Variants in PPP2R2B observed in about 807,000 individuals in gnomAD.
PPP2R2B encodes serine/threonine-protein phosphatase 2A 55 kDa regulatory subunit B beta isoform.
PPP2R2B carries 5 observed loss-of-function variants against 46.0 expected under a neutral mutation model. That is an observed-to-expected ratio of 0.11 (90% CI 0.06 to 0.23). The LOEUF is 0.23. Ranked by LOEUF, PPP2R2B falls within the 10% of genes least tolerant of loss-of-function variation. PPP2R2B has a pLI of 1.00. For synonymous variants in PPP2R2B, 215 were observed against 206.7 expected (o/e 1.04, Z -0.34); for missense variants, 367 against 575.0 (o/e 0.64, Z 3.70).
At chr5:147,001,679 C>T (rs554509356) in intron 1 of PPP2R2B, among the ~76,000 whole-genome samples, 8 of 152,264 alleles carry the variant, frequency 5.3e-5, no homozygotes, top group Admixed American at 2.0e-4. Context: ...TGAGTACCAT[C>T]GGACCCCTTT....
At chr5:147,055,113 A>C (rs571983380) in intron 1 of PPP2R2B, among the ~76,000 whole-genome samples, 1 of 152,332 alleles carries the variant, frequency 6.6e-6, no homozygotes, top group East Asian at 1.9e-4. Flanking sequence ...GGACCCCCAG[A>C]AACCACATTT....
At chr5:146,778,191 GA>G in intron 2 of PPP2R2B, among the ~76,000 whole-genome samples, 1 of 152,126 alleles carries the variant, frequency 6.6e-6, no homozygotes, top group Non-Finnish European at 1.5e-5. Context: ...TGTCTCTACT[GA>G]AAATATTCTT....
chr5:146,769,002 C>T (rs1754671010), intron 2 of PPP2R2B, among the ~76,000 whole-genome samples: 1 of 152,048 alleles, frequency 6.6e-6, no homozygotes, highest in African/African-American at 2.4e-5. Context: ...CTCAGCCTCC[C>T]AAGTAGGTGG....
intron 1 of PPP2R2B, among the ~76,000 whole-genome samples, chr5:146,969,574 C>T (rs1752576786): frequency 6.6e-6 from 1 of 152,184 alleles, no homozygotes; most frequent in Non-Finnish European, 1.5e-5. Context: ...CAAGGCTATA[C>T]CCAGGATGCC....
At chr5:146,833,080 T>A (rs1320021484) in intron 2 of PPP2R2B, among the ~76,000 whole-genome samples, 1 of 152,132 alleles carries the variant, frequency 6.6e-6, no homozygotes, top group Non-Finnish European at 1.5e-5. Flanking sequence ...TATTTCCACA[T>A]ACTTCCAGCT....
chr5:146,728,138 CTTTTTTTTT>C (rs757396751), intron 2 of PPP2R2B, among the ~76,000 whole-genome samples: 5 of 82,506 alleles, frequency 6.1e-5, no homozygotes, highest in African/African-American at 4.8e-5. Flanking sequence ...GAAACACTTA[CTTTTTTTTT>C]TTTTTTTTTT....
intron 1 of PPP2R2B, among the ~76,000 whole-genome samples, chr5:147,006,685 G>C (rs1203000710): frequency 6.6e-6 from 1 of 152,106 alleles, no homozygotes; most frequent in Non-Finnish European, 1.5e-5. Flanking sequence ...ATCCCAAATA[G>C]ACTCTTTGGC....
intron 2 of PPP2R2B, among the ~76,000 whole-genome samples, chr5:146,782,661 T>C (rs975333973): frequency 1.3e-5 from 2 of 152,236 alleles, no homozygotes; most frequent in Non-Finnish European, 2.9e-5. Flanking sequence ...AGTTGTTTTT[T>C]TCCTTGCCCA....
At chr5:146,778,922 A>G (rs1031247143) in intron 2 of PPP2R2B, among the ~76,000 whole-genome samples, 3 of 152,206 alleles carry the variant, frequency 2.0e-5, no homozygotes, top group Admixed American at 1.3e-4. Flanking sequence ...CCGGACTCCA[A>G]TCTGCTTTGT....
chr5:146,963,963 T>C (rs1412826605), intron 1 of PPP2R2B, among the ~76,000 whole-genome samples: 1 of 152,220 alleles, frequency 6.6e-6, no homozygotes, highest in African/African-American at 2.4e-5. Flanking sequence ...CAGCTCTCTA[T>C]TATGAATAAT....
intron 5 of PPP2R2B, among the ~76,000 whole-genome samples, chr5:146,685,015 C>T (rs66769556): frequency 0.1 from 15,869 of 152,146 alleles, 1,391 homozygotes; most frequent in African/African-American, 0.23. Flanking sequence ...CTCCATGCCC[C>T]CTAAGGACAG....
intron 1 of PPP2R2B, among the ~76,000 whole-genome samples, chr5:146,959,091 TAC>T (rs1194371313): frequency 1.3e-5 from 2 of 152,188 alleles, no homozygotes; most frequent in African/African-American, 4.8e-5. Context: ...TAGGAAAATA[TAC>T]TGACATCCAG....
At chr5:147,015,194 A>C (rs528897340) in intron 1 of PPP2R2B, among the ~76,000 whole-genome samples, 1 of 149,084 alleles carries the variant, frequency 6.7e-6, no homozygotes, top group Non-Finnish European at 1.5e-5. Context: ...TCATCAGATG[A>C]ATGACTGAAC....
intron 2 of PPP2R2B, among the ~76,000 whole-genome samples, chr5:146,741,708 G>C: frequency 6.6e-6 from 1 of 152,186 alleles, no homozygotes; most frequent in East Asian, 1.9e-4. Context: ...CCTGTGCTGG[G>C]AGGCCAGATT....
rs1770432383 is a variant in PPP2R2B, at chr5:146,589,920, G to A, written c.*27C>T. On this transcript the variant is annotated 3_prime_UTR_variant, in exon 10 of 10. Coordinates refer to ENST00000394411, the MANE Select transcript of PPP2R2B (RefSeq NM_181675.4). Reference sequence around the variant, plus strand: ...CTTGTTTGACTAGTATTCAGTATGTGAGATTATTAAGTAATAACTTGTCCA... The same window carrying A: ...CTTGTTTGACTAGTATTCAGTATGTAAGATTATTAAGTAATAACTTGTCCA... The A allele has an allele frequency of 6.2e-7, 1 of 1,600,932 alleles. No homozygotes were observed. The highest frequency in any genetic ancestry group is 2.2e-5 in the East Asian group (1 of 44,668).
intron 1 of PPP2R2B, among the ~76,000 whole-genome samples, chr5:146,886,622 T>C (rs1394439732): frequency 6.6e-6 from 1 of 152,024 alleles, no homozygotes; most frequent in Non-Finnish European, 1.5e-5. Context: ...CAAAGATAGA[T>C]GTTCATGATG....
chr5:147,015,941 T>A (rs1361730766), intron 1 of PPP2R2B, among the ~76,000 whole-genome samples: 1 of 151,490 alleles, frequency 6.6e-6, no homozygotes, highest in Non-Finnish European at 1.5e-5. Context: ...CCTGTTACAT[T>A]GTAAGTTTCT....
In PPP2R2B at chr5:146,876,992, G is replaced by A. The variant is rs537739117; in HGVS notation, c.70+1010C>T. ...TAATAATTTTAAATTAATACACCTT[G>A]CAACATTGTCCTAAAGCATTTCCAC... is the stretch of plus-strand genomic sequence containing the variant. On this transcript the variant is annotated intron_variant, in intron 2 of 9. Transcript: ENST00000394411. Among the ~76,000 whole-genome samples the A allele has an allele frequency of 3.3e-5, 5 of 152,326 alleles. No individual in the cohort carries two copies. The East Asian group carries it at 9.6e-4, about 29-fold the overall frequency.
chr5:146,687,944 T>A (rs1369769342), intron 5 of PPP2R2B, among the ~76,000 whole-genome samples: 5 of 152,160 alleles, frequency 3.3e-5, no homozygotes, highest in Non-Finnish European at 7.3e-5. Flanking sequence ...AAAGACACAA[T>A]TGCTGGCAAT....
Sources: allele counts gnomAD v4.1 joint callset (sites outside exome capture counted in the v4.1 genomes callset), GRCh38; gene constraint gnomAD v4.1.1; transcripts MANE v1.5; gene names NCBI Gene and HGNC (gene_info 2026-07-23, HGNC 2026-07-21).